RGS17: variants seen among roughly 807,000 people sequenced by gnomAD.
RGS17 encodes the protein regulator of G protein signaling 17, also known as regulator of G-protein signaling 17.
Under a neutral mutation model 25.5 loss-of-function variants are expected in RGS17, and 12 were observed. The observed-to-expected ratio is 0.47, with a 90% confidence interval of 0.30 to 0.76. The LOEUF is 0.76. RGS17 is among the 30% of genes least tolerant of loss of function. The pLI, the probability that RGS17 is intolerant of heterozygous loss-of-function variation, is 0.07. For missense variants in RGS17, 196 were observed against 242.2 expected, an observed-to-expected ratio of 0.81 and a Z score of 1.27; for synonymous variants, 71 against 76.9, an observed-to-expected ratio of 0.92 and a Z score of 0.40.
At chr6:153,041,974 G>T (rs1218831408) in intron 2 of RGS17, among the ~76,000 whole-genome samples, 1 of 152,082 alleles carries the variant, frequency 6.6e-6, no homozygotes, top group Non-Finnish European at 1.5e-5. Context: ...TTTTACAATG[G>T]CCTTACGAGG....
At chr6:153,035,047 G>A (rs756607289) in intron 2 of RGS17, among the ~76,000 whole-genome samples, 10 of 151,948 alleles carry the variant, frequency 6.6e-5, no homozygotes, top group African/African-American at 2.2e-4. Context: ...CCAGCTACTC[G>A]GGAGGCTGAG....
At chr6:153,090,738 C>A (rs184022025) in intron 1 of RGS17, among the ~76,000 whole-genome samples, 86 of 152,342 alleles carry the variant, frequency 5.6e-4, no homozygotes, top group African/African-American at 1.9e-3. Flanking sequence ...GGATGTGAAT[C>A]ATCCCTTTGT....
intron 1 of RGS17, among the ~76,000 whole-genome samples, chr6:153,075,991 A>T (rs1776872331): frequency 6.6e-6 from 1 of 152,170 alleles, no homozygotes; most frequent in Non-Finnish European, 1.5e-5. Flanking sequence ...TAGAAGTCAG[A>T]TTTCTTAGAG....
At chr6:153,053,940 TATAA>T (rs1395762232) in intron 1 of RGS17, among the ~76,000 whole-genome samples, 2 of 52,624 alleles carry the variant, frequency 3.8e-5, no homozygotes, top group Non-Finnish European at 6.2e-5. Context: ...TATATGTATA[TATAA>T]TATATATACA....
chr6:153,060,651 A>T (rs1776621658), intron 1 of RGS17, among the ~76,000 whole-genome samples: 1 of 151,880 alleles, frequency 6.6e-6, no homozygotes. Context: ...CCATTGTTCT[A>T]TTTTGCTCAG....
At chr6:153,032,494 C>T (rs1298166212) in intron 2 of RGS17, among the ~76,000 whole-genome samples, 1 of 151,156 alleles carries the variant, frequency 6.6e-6, no homozygotes, top group Non-Finnish European at 1.5e-5. Context: ...GCTGTGTTAC[C>T]TTTATAAATA....
At chr6:153,101,989 T>A (rs1777310703) in intron 1 of RGS17, among the ~76,000 whole-genome samples, 1 of 152,234 alleles carries the variant, frequency 6.6e-6, no homozygotes, top group Non-Finnish European at 1.5e-5. Flanking sequence ...AATGGACTAA[T>A]ACAGGTGGTT....
intron 1 of RGS17, among the ~76,000 whole-genome samples, chr6:153,113,134 T>G (rs942159455): frequency 6.6e-6 from 1 of 152,080 alleles, no homozygotes; most frequent in African/African-American, 2.4e-5. Flanking sequence ...GACTGGTAAA[T>G]TGGATGAAGA....
intron 1 of RGS17, among the ~76,000 whole-genome samples, chr6:153,085,862 C>A (rs957134697): frequency 2.0e-5 from 3 of 152,088 alleles, no homozygotes; most frequent in Non-Finnish European, 4.4e-5. Context: ...GCTTACCATG[C>A]AGATTTAAAT....
At chr6:153,094,062 T>C (rs1255798068) in intron 1 of RGS17, among the ~76,000 whole-genome samples, 3 of 151,214 alleles carry the variant, frequency 2.0e-5, no homozygotes, top group South Asian at 2.1e-4. Context: ...CCTAAATATA[T>C]TACACACATC....
intron 1 of RGS17, among the ~76,000 whole-genome samples, chr6:153,094,479 T>C (rs1418022600): frequency 6.6e-6 from 1 of 152,232 alleles, no homozygotes; most frequent in Non-Finnish European, 1.5e-5. Flanking sequence ...TTCTCATCCT[T>C]GTACCTTTGC....
intron 2 of RGS17, among the ~76,000 whole-genome samples, chr6:153,037,103 A>C (rs1199549940): frequency 6.6e-6 from 1 of 152,008 alleles, no homozygotes. Flanking sequence ...CAGAAATGCT[A>C]AACAGATTTA....
intron 1 of RGS17, among the ~76,000 whole-genome samples, chr6:153,063,754 C>A (rs1776669212): frequency 6.6e-6 from 1 of 152,004 alleles, no homozygotes; most frequent in Admixed American, 6.6e-5. Context: ...TTACAGAATA[C>A]CAAGTAGATT....
In RGS17 at chr6:153,011,708, T is replaced by C; in HGVS notation, c.499A>G (p.Asn167Asp). 6.2e-7 allele frequency: 1 copy of C among 1,613,310 alleles called. No individual in the cohort carries two copies. The highest frequency in any genetic ancestry group is 8.5e-7 in the Non-Finnish European group (1 of 1,179,484). ...EVINRNLLDP[N>D]PHMYEDAQLQ... ...TGGGCATCTTCATACATGTGAGGAT[T>C]GGGATCCAACAGATTTCTATTGATC... The change falls in exon 5 of 5, where the codon AAT becomes GAT. Residue 167 changes from asparagine to aspartate, a missense_variant. Transcript: ENST00000206262.
chr6:153,126,275 C>T (rs1006568118), intron 1 of RGS17, among the ~76,000 whole-genome samples: 14 of 152,258 alleles, frequency 9.2e-5, no homozygotes, highest in Middle Eastern at 6.8e-3. Flanking sequence ...AAACAATCCA[C>T]GACTATCTGG....
chr6:153,047,374 T>C (rs1430871328), intron 1 of RGS17, among the ~76,000 whole-genome samples: 1 of 152,184 alleles, frequency 6.6e-6, no homozygotes, highest in East Asian at 1.9e-4. Flanking sequence ...CGAAAATGGG[T>C]GGGCTGCCCT....
chr6:153,107,847 T>C (rs7747003), intron 1 of RGS17, among the ~76,000 whole-genome samples: 70,980 of 152,014 alleles, frequency 0.47, 17,210 homozygotes, highest in East Asian at 0.85. Flanking sequence ...TCTTTCATTT[T>C]CCCTTAGCAG....
chr6:153,127,871 T>C (rs1173161504), intron 1 of RGS17, among the ~76,000 whole-genome samples: 1 of 152,226 alleles, frequency 6.6e-6, no homozygotes, highest in Non-Finnish European at 1.5e-5. Flanking sequence ...TGGAAGACTT[T>C]TGCGAGCCAT....
chr6:153,034,061 G>A (rs1261592276), intron 2 of RGS17, among the ~76,000 whole-genome samples: 1 of 152,150 alleles, frequency 6.6e-6, no homozygotes, highest in African/African-American at 2.4e-5. Flanking sequence ...AAAGGAGAGT[G>A]AAAAAGTTAA....
Sources: gnomAD v4.1 joint callset for allele counts (sites outside exome capture counted in the v4.1 genomes callset) on GRCh38, gnomAD v4.1.1 for gene constraint, MANE v1.5 for transcripts, NCBI Gene and HGNC (gene_info 2026-07-23, HGNC 2026-07-21) for gene names.